Variants in SMAP1 observed in about 807,000 individuals in gnomAD.
The protein encoded by SMAP1 is small ArfGAP 1.
In SMAP1, 24 loss-of-function variants were observed where a neutral mutation model predicts 58.5. The ratio of observed to expected loss-of-function variants is 0.41; its 90% CI spans 0.30 to 0.58. The LOEUF is 0.58. Among genes scored for constraint, SMAP1 ranks in the 20% least tolerant of loss-of-function variants. SMAP1 has a pLI of 0.29. For synonymous variants in SMAP1, 216 were observed against 196.6 expected, an observed-to-expected ratio of 1.10 and a Z score of -0.82; for missense variants, 563 against 566.3, an observed-to-expected ratio of 0.99 and a Z score of 0.06.
chr6:70,800,284 A>T (rs1467953512), intron 6 of SMAP1, among the ~76,000 whole-genome samples: 3 of 151,862 alleles, frequency 2.0e-5, no homozygotes, highest in Non-Finnish European at 4.4e-5. Context: ...ACACAGCAAG[A>T]CACCCTTTAA....
intron 8 of SMAP1, among the ~76,000 whole-genome samples, chr6:70,854,369 C>A (rs1362096293): frequency 6.6e-6 from 1 of 152,090 alleles, no homozygotes; most frequent in African/African-American, 2.4e-5. Flanking sequence ...TGCCTGTAAT[C>A]CCAGCACTTT....
At chr6:70,675,206 T>G (rs1470210468) in intron 1 of SMAP1, among the ~76,000 whole-genome samples, 1 of 147,184 alleles carries the variant, frequency 6.8e-6, no homozygotes, top group African/African-American at 2.5e-5. Context: ...GTGTTTTTTT[T>G]TTTTTTTTTT....
chr6:70,710,367 C>G (rs1039145479), intron 1 of SMAP1, among the ~76,000 whole-genome samples: 1 of 151,404 alleles, frequency 6.6e-6, no homozygotes, highest in Non-Finnish European at 1.5e-5. Flanking sequence ...GGCATGCACC[C>G]GTAGTCCCAG....
chr6:70,853,509 TAAG>T (rs1582312439), intron 8 of SMAP1, among the ~76,000 whole-genome samples: 4 of 152,192 alleles, frequency 2.6e-5, no homozygotes, highest in Admixed American at 2.6e-4. Context: ...ACAGTTTTAA[TAAG>T]AAAAAGTCAA....
intron 1 of SMAP1, among the ~76,000 whole-genome samples, chr6:70,715,393 G>T (rs1334469011): frequency 6.6e-6 from 1 of 152,236 alleles, no homozygotes; most frequent in African/African-American, 2.4e-5. Context: ...CACCTAGCCT[G>T]TGTGGGTTTC....
intron 1 of SMAP1, among the ~76,000 whole-genome samples, chr6:70,694,845 A>G (rs796095249): frequency 4.6e-5 from 7 of 152,322 alleles, no homozygotes; most frequent in Admixed American, 2.0e-4. Flanking sequence ...TTACTTTTTG[A>G]AATTATTTAA....
chr6:70,721,092 A>G (rs894470440), intron 1 of SMAP1, among the ~76,000 whole-genome samples: 9 of 152,148 alleles, frequency 5.9e-5, no homozygotes, highest in Non-Finnish European at 1.3e-4. Flanking sequence ...TACTTATGCA[A>G]ATTTCTGCAG....
chr6:70,728,010 C>T (rs1265248180), intron 1 of SMAP1, among the ~76,000 whole-genome samples: 9 of 151,972 alleles, frequency 5.9e-5, no homozygotes, highest in African/African-American at 2.2e-4. Flanking sequence ...TTTCAGTGAG[C>T]CAAGATCTTC....
At chr6:70,669,605 C>T (rs1012952239) in intron 1 of SMAP1, among the ~76,000 whole-genome samples, 1 of 152,192 alleles carries the variant, frequency 6.6e-6, no homozygotes, top group African/African-American at 2.4e-5. Context: ...GAGTTCTGCA[C>T]TGTGTTTAGG....
rs1769735062 is a variant in SMAP1, at chr6:70,818,347, AG to A, written c.577-18593del. Among the ~76,000 whole-genome samples, 7 of 152,244 alleles carry A rather than the reference AG, an allele frequency of 4.6e-5. No homozygotes were observed. In the South Asian group the frequency reaches 1.5e-3, roughly 32 times the overall value. ...CATGAACCCAGGAGGCAGAGGTTGC[AG>A]TGAGCCAAGATTGTGCCATTGCACT... On this transcript the variant is annotated intron_variant, in intron 6 of 10. Coordinates refer to ENST00000370455, the MANE Select transcript of SMAP1 (RefSeq NM_001044305.3).
intron 3 of SMAP1, among the ~76,000 whole-genome samples, chr6:70,765,043 A>G (rs867843204): frequency 1.3e-5 from 2 of 152,184 alleles, no homozygotes; most frequent in Non-Finnish European, 1.5e-5. Flanking sequence ...TCAAGCGATC[A>G]GCCCACCTGG....
At chr6:70,668,485 A>G (rs781984) in intron 1 of SMAP1, 679,187 of 1,449,724 alleles carry the variant, frequency 0.47, 161,721 homozygotes, top group South Asian at 0.5. Context: ...GGGTCTGGGC[A>G]GAGCTTAGGG....
At chr6:70,697,321 T>G (rs1417660582) in intron 1 of SMAP1, among the ~76,000 whole-genome samples, 1 of 152,010 alleles carries the variant, frequency 6.6e-6, no homozygotes, top group Non-Finnish European at 1.5e-5. Context: ...TTTTTTTTTT[T>G]TGAGACAAGA....
chr6:70,823,028 T>G (rs762287201), intron 6 of SMAP1, among the ~76,000 whole-genome samples: 14 of 152,194 alleles, frequency 9.2e-5, no homozygotes, highest in South Asian at 2.1e-4. Flanking sequence ...TATCTATTCT[T>G]GCATATTGTC....
At chr6:70,786,699 T>G (rs988655886) in intron 4 of SMAP1, among the ~76,000 whole-genome samples, 1 of 152,134 alleles carries the variant, frequency 6.6e-6, no homozygotes, top group African/African-American at 2.4e-5. Context: ...GAACTCCCCT[T>G]CACAATTACT....
intron 2 of SMAP1, among the ~76,000 whole-genome samples, chr6:70,735,299 C>T (rs2149865751): frequency 6.6e-6 from 1 of 152,232 alleles, no homozygotes; most frequent in East Asian, 1.9e-4. Flanking sequence ...TCAAGTCCCC[C>T]AGGGGCATAC....
At chr6:70,746,566 C>T (rs575949157) in intron 2 of SMAP1, among the ~76,000 whole-genome samples, 15 of 152,086 alleles carry the variant, frequency 9.9e-5, no homozygotes, top group East Asian at 3.9e-4. Context: ...CTGCCGGATT[C>T]GGTTTTCCAG....
chr6:70,718,040 C>A (rs931601171), intron 1 of SMAP1, among the ~76,000 whole-genome samples: 1 of 152,038 alleles, frequency 6.6e-6, no homozygotes, highest in East Asian at 1.9e-4. Flanking sequence ...TATTAATATT[C>A]CATCCTCCCC....
At chr6:70,673,989 A>G (rs1033108744) in intron 1 of SMAP1, among the ~76,000 whole-genome samples, 7 of 152,178 alleles carry the variant, frequency 4.6e-5, no homozygotes, top group Admixed American at 2.0e-4. Flanking sequence ...TTGCTGTACA[A>G]GATATATATA....
Sources: gnomAD v4.1 joint callset for allele counts (sites outside exome capture counted in the v4.1 genomes callset) on GRCh38, gnomAD v4.1.1 for gene constraint, MANE v1.5 for transcripts, NCBI Gene and HGNC (gene_info 2026-07-23, HGNC 2026-07-21) for gene names.